Variants in SGCZ observed in about 807,000 individuals in gnomAD.
SGCZ encodes zeta-sarcoglycan.
Under a neutral mutation model 41.3 loss-of-function variants are expected in SGCZ, and 40 were observed. That is an observed-to-expected ratio of 0.97 (90% CI 0.75 to 1.26). SGCZ has a LOEUF of 1.26. Ranked by LOEUF, SGCZ falls within the 50% of genes most tolerant of loss-of-function variation. The pLI is 0.00. For missense variants in SGCZ, 552 were observed against 369.8 expected (o/e 1.49, Z -4.04); for synonymous variants, 206 against 137.5 (o/e 1.50, Z -3.49).
At position 14,927,165 on chromosome 8, in the gene SGCZ, A is replaced by G. The variant is rs1028813276; in HGVS notation, c.39+310420T>C. On this transcript the variant is annotated intron_variant, in intron 1 of 7. Transcript: ENST00000382080. ...GCTCTGTCACCCAGGCTGGAGTGCA[A>G]TGGCGCGATCTCGGCTCACTGCAAG... Among the ~76,000 whole-genome samples the G allele has an allele frequency of 6.2e-5, 8 of 130,030 alleles. No homozygotes were observed. The South Asian group carries it at 7.1e-4, about 11-fold the overall frequency. The allele number at this position is 130,030 out of a possible 152,430, so 85.3% of individuals were successfully genotyped here.
chr8:14,209,899 T>C (rs954986125), intron 4 of SGCZ, among the ~76,000 whole-genome samples: 2 of 152,152 alleles, frequency 1.3e-5, no homozygotes, highest in Admixed American at 1.3e-4. Context: ...TTTTATCTTA[T>C]GAATTAGTTA....
intron 1 of SGCZ, among the ~76,000 whole-genome samples, chr8:14,776,988 T>A (rs1800423148): frequency 1.3e-5 from 2 of 152,208 alleles, no homozygotes; most frequent in Admixed American, 1.3e-4. Flanking sequence ...GGCACCCGAA[T>A]GTTCAGACAG....
At chr8:14,154,378 C>A (rs765643081) in intron 5 of SGCZ, among the ~76,000 whole-genome samples, 1 of 62,516 alleles carries the variant, frequency 1.6e-5, no homozygotes, top group African/African-American at 5.9e-5. Flanking sequence ...CAAAAATAAA[C>A]AAACAGCAAC....
rs182893371 is a variant in SGCZ, at chr8:14,717,186, T to C, written c.40-162260A>G. ...ATTTAGAAAAATTTTTCTAGATAAA[T>C]AACAAAGCTTAGTATGAAACATTCA... is the stretch of plus-strand genomic sequence containing the variant. On this transcript the variant is annotated intron_variant, in intron 1 of 7. Coordinates refer to ENST00000382080, the MANE Select transcript of SGCZ (RefSeq NM_139167.4). Among the ~76,000 whole-genome samples, 13 of 152,160 alleles carry C rather than the reference T, an allele frequency of 8.5e-5. No homozygotes were observed. The East Asian group carries it at 2.3e-3, about 27-fold the overall frequency.
chr8:14,560,074 T>G (rs1384733960), intron 1 of SGCZ, among the ~76,000 whole-genome samples: 1 of 152,062 alleles, frequency 6.6e-6, no homozygotes, highest in Non-Finnish European at 1.5e-5. Context: ...GAGAATAGTA[T>G]GAAGAGAATT....
At chr8:15,070,695 T>G (rs79054952) in intron 1 of SGCZ, among the ~76,000 whole-genome samples, 7,763 of 152,250 alleles carry the variant, frequency 0.051, 260 homozygotes, top group South Asian at 0.12. Flanking sequence ...CAGTGTGATA[T>G]TTAGATTTAA....
intron 1 of SGCZ, among the ~76,000 whole-genome samples, chr8:14,811,013 C>A (rs1346415523): frequency 6.6e-6 from 1 of 151,972 alleles, no homozygotes; most frequent in Admixed American, 6.6e-5. Context: ...TTTAGTACAT[C>A]TTTCCCCCAA....
At chr8:14,799,497 G>C in intron 1 of SGCZ, among the ~76,000 whole-genome samples, 1 of 151,994 alleles carries the variant, frequency 6.6e-6, no homozygotes, top group South Asian at 2.1e-4. Context: ...GTATTAACCA[G>C]TCTAACCCTG....
At position 14,681,160 on chromosome 8, in the gene SGCZ, G is replaced by A. The variant is rs568466918; in HGVS notation, c.40-126234C>T. On this transcript the variant is annotated intron_variant, in intron 1 of 7. Coordinates refer to ENST00000382080, the MANE Select transcript of SGCZ (RefSeq NM_139167.4). ...AAGAAAAAATAGTCCAAAGAAACACGCAGCACAGCACACTAAAATATATCA... is the reference window on the plus strand; with the variant it reads ...AAGAAAAAATAGTCCAAAGAAACACACAGCACAGCACACTAAAATATATCA... Among the ~76,000 whole-genome samples, 5 of 151,970 alleles carry A rather than the reference G, an allele frequency of 3.3e-5. No individual in the cohort carries two copies. In the South Asian group the frequency reaches 1.0e-3, roughly 32 times the overall value.
Position 14,417,883 on chromosome 8 carries a change from A to G in SGCZ, c.235-93679T>C, listed in dbSNP as rs183618423. Among the ~76,000 whole-genome samples, 283 of 152,006 alleles carry G rather than the reference A, an allele frequency of 1.9e-3. 1 individual carries two copies. The highest frequency in any genetic ancestry group is 6.6e-3 in the African/African-American group (275 of 41,516). On this transcript the variant is annotated intron_variant, in intron 2 of 7. Transcript: ENST00000382080. ...TCAATTATCTCAATAAAGTTGGGAG[A>G]AAAAAGAACCAGATTTTATTTATAT... is the stretch of plus-strand genomic sequence containing the variant.
intron 1 of SGCZ, among the ~76,000 whole-genome samples, chr8:14,816,883 C>T (rs1270371970): frequency 2.6e-5 from 4 of 152,178 alleles, no homozygotes; most frequent in Non-Finnish European, 5.9e-5. Flanking sequence ...TTATATTTTC[C>T]ATGTCTGCAC....
intron 1 of SGCZ, among the ~76,000 whole-genome samples, chr8:14,929,402 G>A (rs975493492): frequency 2.0e-5 from 3 of 152,180 alleles, no homozygotes; most frequent in African/African-American, 7.2e-5. Context: ...TACTATGACA[G>A]TTTAAGTGCC....
At chr8:14,438,685 T>C (rs181670340) in intron 2 of SGCZ, among the ~76,000 whole-genome samples, 1 of 152,190 alleles carries the variant, frequency 6.6e-6, no homozygotes, top group East Asian at 1.9e-4. Flanking sequence ...AGATATTTCA[T>C]GAGGCTAAAA....
At chr8:14,702,555 A>G (rs989680301) in intron 1 of SGCZ, among the ~76,000 whole-genome samples, 2 of 151,824 alleles carry the variant, frequency 1.3e-5, no homozygotes, top group African/African-American at 4.8e-5. Flanking sequence ...AGTCAAATTT[A>G]TGTCTGGAAA....
chr8:15,055,600 C>T (rs73522839), intron 1 of SGCZ, among the ~76,000 whole-genome samples: 9 of 152,276 alleles, frequency 5.9e-5, no homozygotes, highest in African/African-American at 2.2e-4. Context: ...ACTGAGAAGG[C>T]CAGAGCCTGG....
chr8:14,196,352 C>T (rs1213109688), intron 4 of SGCZ, among the ~76,000 whole-genome samples: 1 of 151,574 alleles, frequency 6.6e-6, no homozygotes, highest in Non-Finnish European at 1.5e-5. Context: ...CAACTTCCGC[C>T]TCCTGGGTTC....
chr8:14,543,737 CT>C (rs1803538500), intron 2 of SGCZ, among the ~76,000 whole-genome samples: 1 of 152,106 alleles, frequency 6.6e-6, no homozygotes, highest in Admixed American at 6.6e-5. Context: ...AAATTATCAC[CT>C]CTCTATAAAA....
At chr8:15,179,535 T>C (rs1800101597) in intron 1 of SGCZ, among the ~76,000 whole-genome samples, 1 of 152,204 alleles carries the variant, frequency 6.6e-6, no homozygotes, top group Non-Finnish European at 1.5e-5. Context: ...CAAGTAATTT[T>C]CGTTGTTTCA....
rs2117066148 is a variant in SGCZ at position 15,172,171 on chromosome 8, T to TTTC, written c.39+65413_39+65414insGAA. ...TATACTCTGTTTTTTTTTTTTTTTT[T>TTTC]TTTTTTTTGAGACGGAGTTTCGCTC... On this transcript the variant is annotated intron_variant, in intron 1 of 7. Coordinates refer to ENST00000382080, the MANE Select transcript of SGCZ (RefSeq NM_139167.4). Among the ~76,000 whole-genome samples, 2 of 135,952 alleles carry TTTC rather than the reference T, an allele frequency of 1.5e-5. 1 individual carries two copies. The highest frequency in any genetic ancestry group is 4.3e-4 in the East Asian group (2 of 4,632). The allele number at this position is 135,952 out of a possible 152,430, so 89.2% of individuals were successfully genotyped here.
Sources: gnomAD v4.1 joint callset for allele counts (sites outside exome capture counted in the v4.1 genomes callset) on GRCh38, gnomAD v4.1.1 for gene constraint, MANE v1.5 for transcripts, NCBI Gene and HGNC (gene_info 2026-07-23, HGNC 2026-07-21) for gene names.